CRB1: variants seen among roughly 807,000 people sequenced by gnomAD.
The protein encoded by CRB1 is protein crumbs homolog 1.
Under a neutral mutation model 120.0 loss-of-function variants are expected in CRB1, and 83 were observed. The ratio of observed to expected loss-of-function variants is 0.69; its 90% CI spans 0.58 to 0.83. The LOEUF (loss-of-function observed/expected upper bound fraction) is 0.83, where lower values mean the gene tolerates loss of function less well. CRB1 is among the 40% of genes least tolerant of loss of function. The probability of loss-of-function intolerance (pLI) is 0.00; values close to 1 mark genes in which losing one functional copy is unlikely to be tolerated. For synonymous variants in CRB1, 625 were observed against 612.5 expected (o/e 1.02, Z -0.30); for missense variants, 1,699 against 1,687.6 (o/e 1.01, Z -0.12).
intron 5 of CRB1, among the ~76,000 whole-genome samples, chr1:197,380,133 G>T (rs1311694553): frequency 6.6e-6 from 1 of 152,172 alleles, no homozygotes; most frequent in Non-Finnish European, 1.5e-5. Flanking sequence ...AGAGCCCAAG[G>T]TGATTAAATT....
the CRB1 span, chr1:197,223,041 G>C: frequency 1.3e-6 from 1 of 788,122 alleles, no homozygotes; most frequent in South Asian, 1.3e-5. Flanking sequence ...AGGAAGACAA[G>C]GACTATCTTT....
At chr1:197,456,135 G>A (rs1423145417) in intron 11 of CRB1, among the ~76,000 whole-genome samples, 1 of 152,032 alleles carries the variant, frequency 6.6e-6, no homozygotes, top group Non-Finnish European at 1.5e-5. Flanking sequence ...AAGGAAAACT[G>A]AAGTACTTCT....
Position 197,442,152 on chromosome 1 carries a change from T to G in CRB1, c.3879-14T>G. 2.5e-6 allele frequency: 4 copies of G among 1,614,140 alleles called. No individual in the cohort carries two copies. The highest frequency in any genetic ancestry group is 3.4e-6 in the Non-Finnish European group (4 of 1,180,006). ...ACAGGGACCTGGGTTTCTGCTGTTC[T>G]GTTTATTTTGAAGGTGTGAAAAGGA... On this transcript the variant is annotated splice_polypyrimidine_tract_variant and intron_variant, in intron 10 of 11. Coordinates refer to ENST00000367400, the MANE Select transcript of CRB1 (RefSeq NM_201253.3).
rs1665860782 is a variant in CRB1 at position 197,449,608 on chromosome 1, C to T, written c.4005+7316C>T. Among the ~76,000 whole-genome samples, 14 of 152,112 alleles carry T rather than the reference C, an allele frequency of 9.2e-5. 1 individual carries two copies. In the South Asian group the frequency reaches 2.9e-3, roughly 32 times the overall value. ...GTCTCGATCTCCTGACCTCGTGATC[C>T]GCCCGCCTCGGCCTCCCAAAGTGCT... On this transcript the variant is annotated intron_variant, in intron 11 of 11. Coordinates refer to ENST00000367400, the MANE Select transcript of CRB1 (RefSeq NM_201253.3).
chr1:197,333,255 A>G (rs1407617533), intron 2 of CRB1, among the ~76,000 whole-genome samples: 1 of 152,248 alleles, frequency 6.6e-6, no homozygotes, highest in Non-Finnish European at 1.5e-5. Context: ...GCAGTGATTC[A>G]TGAACTACAG....
rs933066021 is a variant in CRB1 at position 197,390,962 on chromosome 1, T to TA, written c.1172-30030dup. 3.3e-5 allele frequency among the ~76,000 whole-genome samples: 5 copies of TA among 151,998 alleles called. No homozygotes were observed. The East Asian group carries it at 7.8e-4, about 24-fold the overall frequency. ...AGCTTCATATATTTTGTGACAACAT[T>TA]AAAAAAAATTCTAAGGATTGCTGAA... On this transcript the variant is annotated intron_variant, in intron 5 of 11. Coordinates refer to ENST00000367400, the MANE Select transcript of CRB1 (RefSeq NM_201253.3).
At chr1:197,252,875 T>C in the CRB1 span, among the ~76,000 whole-genome samples, 9 of 151,848 alleles carry the variant, frequency 5.9e-5, no homozygotes, top group Admixed American at 3.3e-4. Context: ...TACATCTGTC[T>C]TGTTCTGTTT....
At chr1:197,255,724 C>T in the CRB1 span, among the ~76,000 whole-genome samples, 1 of 151,816 alleles carries the variant, frequency 6.6e-6, no homozygotes, top group Non-Finnish European at 1.5e-5. Flanking sequence ...CCATTACCAA[C>T]ACCTGAAGTG....
At chr1:197,249,635 C>A in the CRB1 span, among the ~76,000 whole-genome samples, 1 of 151,820 alleles carries the variant, frequency 6.6e-6, no homozygotes, top group African/African-American at 2.4e-5. Flanking sequence ...TTGTTTGGAG[C>A]TTTGAGAAAG....
intron 5 of CRB1, among the ~76,000 whole-genome samples, chr1:197,371,601 T>C (rs1191800748): frequency 6.6e-6 from 1 of 152,174 alleles, no homozygotes; most frequent in East Asian, 1.9e-4. Flanking sequence ...ATCCTGTTCC[T>C]GTTTTGTGAA....
intron 1 of CRB1, among the ~76,000 whole-genome samples, chr1:197,283,383 C>T (rs6699967): frequency 7.8e-4 from 118 of 151,782 alleles, no homozygotes; most frequent in African/African-American, 2.8e-3. Flanking sequence ...TCTGTTATCC[C>T]GCATCCCCCT....
intron 1 of CRB1, among the ~76,000 whole-genome samples, chr1:197,298,103 T>A (rs1306314293): frequency 6.6e-6 from 1 of 152,146 alleles, no homozygotes; most frequent in East Asian, 1.9e-4. Flanking sequence ...AAGAGGGTTA[T>A]GTTATGTACT....
chr1:197,435,506 A>G lies in CRB1; in HGVS notation c.3643A>G (p.Ile1215Val), dbSNP rs753102573. 6.2e-7 allele frequency: 1 copy of G among 1,611,086 alleles called. No homozygotes were observed. The highest frequency in any genetic ancestry group is 1.7e-5 in the Admixed American group (1 of 59,790). Residue 1215 changes from isoleucine to valine, a missense_variant, in exon 9 of 12, where the codon ATA (isoleucine) becomes GTA (valine). By Grantham distance (29) the Ile-to-Val change is conservative. Transcript: ENST00000367400. ...GYTGVNCEVD[I>V]DNCQSHQCAN... ...CACTGGTGTGAACTGTGAAGTGGAT[A>G]TAGACAACTGCCAGAGTCACCAGTG... is the stretch of plus-strand genomic sequence containing the variant.
intron 5 of CRB1, among the ~76,000 whole-genome samples, chr1:197,374,150 G>T (rs1213145202): frequency 6.6e-6 from 1 of 152,154 alleles, no homozygotes; most frequent in Non-Finnish European, 1.5e-5. Flanking sequence ...ATGTTTTCTG[G>T]TAAGAGGATG....
chr1:197,236,195 C>CTTTT, the CRB1 span, among the ~76,000 whole-genome samples: 2,833 of 112,924 alleles, frequency 0.025, 203 homozygotes, highest in African/African-American at 0.081. Context: ...CTTTTATTTC[C>CTTTT]TTTTTTTTTT....
chr1:197,406,563 A>C (rs943160129), intron 5 of CRB1, among the ~76,000 whole-genome samples: 2 of 152,128 alleles, frequency 1.3e-5, no homozygotes, highest in Non-Finnish European at 2.9e-5. Flanking sequence ...AACACCCAAG[A>C]ATGATCAATA....
intron 5 of CRB1, chr1:197,414,096 T>C (rs1226489913): frequency 8.8e-6 from 2 of 226,092 alleles, no homozygotes; most frequent in Admixed American, 4.9e-5. Flanking sequence ...ATAACAGATA[T>C]TACTATCAAA....
chr1:197,471,787 G>T (rs1398083399), intron 11 of CRB1, among the ~76,000 whole-genome samples: 2 of 152,142 alleles, frequency 1.3e-5, no homozygotes, highest in African/African-American at 4.8e-5. Context: ...ATATTACTAT[G>T]GAAACGGCCG....
At position 197,458,729 on chromosome 1, in the gene CRB1, C is replaced by T. The variant is rs545259448; in HGVS notation, c.4005+16437C>T. On this transcript the variant is annotated intron_variant, in intron 11 of 11. Coordinates refer to ENST00000367400, the MANE Select transcript of CRB1 (RefSeq NM_201253.3). Reference sequence around the variant, plus strand: ...AATACATCTGGCAATGGGTAGTACACAGGGAGAGAAGAAGGAGAGCAGGGA... The same window carrying T: ...AATACATCTGGCAATGGGTAGTACATAGGGAGAGAAGAAGGAGAGCAGGGA... Among the ~76,000 whole-genome samples, 25 of 152,172 alleles carry T rather than the reference C, an allele frequency of 1.6e-4. No homozygotes were observed. The East Asian group carries it at 4.1e-3, about 25-fold the overall frequency.
Sources: allele counts gnomAD v4.1 joint callset (sites outside exome capture counted in the v4.1 genomes callset), GRCh38; gene constraint gnomAD v4.1.1; transcripts MANE v1.5; gene names NCBI Gene and HGNC (gene_info 2026-07-23, HGNC 2026-07-21).